Variants in CASP8 observed in about 807,000 individuals in gnomAD.
CASP8 encodes the protein caspase 8, also known as caspase-8.
A neutral mutation model predicts 46.3 loss-of-function variants in CASP8; 24 were observed. The ratio of observed to expected loss-of-function variants is 0.52; its 90% CI spans 0.38 to 0.73. The LOEUF (loss-of-function observed/expected upper bound fraction) is 0.73, where lower values mean the gene tolerates loss of function less well. Among genes scored for constraint, CASP8 ranks in the 30% least tolerant of loss-of-function variants. CASP8 has a pLI of 0.00. For missense variants in CASP8, 460 were observed against 559.0 expected (o/e 0.82, Z 1.79); for synonymous variants, 188 against 200.4 (o/e 0.94, Z 0.52).
chr2:201,243,856 C>T (rs1048335458), intron 2 of CASP8, among the ~76,000 whole-genome samples: 3 of 152,168 alleles, frequency 2.0e-5, no homozygotes, highest in African/African-American at 4.8e-5. Flanking sequence ...GGACCTGCCA[C>T]GCATGGATTA....
intron 2 of CASP8, among the ~76,000 whole-genome samples, chr2:201,253,237 C>G (rs1372755889): frequency 6.7e-6 from 1 of 148,422 alleles, no homozygotes; most frequent in Non-Finnish European, 1.5e-5. Flanking sequence ...GATCCTCCCA[C>G]TTCAGCCTCT....
At position 201,265,979 on chromosome 2, in the gene CASP8, G is replaced by T. The variant is rs112590883; in HGVS notation, c.-26-482G>T. On this transcript the variant is annotated intron_variant, in intron 1 of 8. Transcript: ENST00000673742. ...CATTGGCTTGTTTTTTTTGTTTTTT[G>T]TGTTTTTTTTTTTTTTGTGAGACGG... is the stretch of plus-strand genomic sequence containing the variant. Among the ~76,000 whole-genome samples, 23 of 91,908 alleles carry T rather than the reference G, an allele frequency of 2.5e-4. No individual in the cohort carries two copies. The South Asian group carries it at 2.6e-3, about 10-fold the overall frequency. The allele number at this position is 91,908 out of a possible 152,430, so 60.3% of individuals were successfully genotyped here.
chr2:201,239,386 C>T (rs946250675), intron 2 of CASP8, among the ~76,000 whole-genome samples: 23 of 152,192 alleles, frequency 1.5e-4, no homozygotes, highest in Admixed American at 9.8e-4. Context: ...GGCGGCTGGC[C>T]GGGCGGGGGG....
intron 2 of CASP8, among the ~76,000 whole-genome samples, chr2:201,246,124 A>C (rs944081528): frequency 6.6e-5 from 10 of 152,166 alleles, no homozygotes; most frequent in Admixed American, 2.0e-4. Flanking sequence ...TTGGCCTCCC[A>C]AAGTGCTGGG....
upstream of CASP8, among the ~76,000 whole-genome samples, chr2:201,257,736 C>G (rs1419894463): frequency 6.6e-6 from 1 of 152,192 alleles, no homozygotes; most frequent in Non-Finnish European, 1.5e-5. Context: ...ACAGGGCTGG[C>G]TTTACCCAGT....
At chr2:201,264,886 C>T (rs1576296826) in intron 1 of CASP8, among the ~76,000 whole-genome samples, 2 of 152,146 alleles carry the variant, frequency 1.3e-5, no homozygotes, top group East Asian at 3.9e-4. Flanking sequence ...CCTCACAGAG[C>T]TTCCATTCTA....
In CASP8 at chr2:201,252,902, A is replaced by G. The variant is rs1303113999; in HGVS notation, c.-26-13559A>G. On this transcript the variant is annotated intron_variant, in intron 2 of 6. Coordinates refer to the CASP8 transcript ENST00000264274. ...AAAATCCACTTATTATGGAGGGGGAAAAAAAAGGAATTTTCTTTACAGAAA... is the reference window on the plus strand; with the variant it reads ...AAAATCCACTTATTATGGAGGGGGAGAAAAAAGGAATTTTCTTTACAGAAA... Among the ~76,000 whole-genome samples, 3 of 152,010 alleles carry G rather than the reference A, an allele frequency of 2.0e-5. 1 individual carries two copies. Among genetic ancestry groups the G allele is most frequent in the Admixed American group, 6.5e-5 (1 of 15,272 alleles).
chr2:201,280,178 TG>T (rs1480385091), intron 7 of CASP8, among the ~76,000 whole-genome samples: 7 of 152,048 alleles, frequency 4.6e-5, no homozygotes, highest in Non-Finnish European at 8.8e-5. Flanking sequence ...ATTAAAAATT[TG>T]AGCACCAAAA....
chr2:201,269,709 C>A (rs1948110877), intron 2 of CASP8: 1 of 790,506 alleles, frequency 1.3e-6, no homozygotes. Flanking sequence ...TAGCCAGAAG[C>A]TAATAAATAT....
chr2:201,251,110 A>G (rs1576236491), intron 2 of CASP8, among the ~76,000 whole-genome samples: 1 of 152,234 alleles, frequency 6.6e-6, no homozygotes, highest in East Asian at 1.9e-4. Flanking sequence ...ATTGCTGAAT[A>G]ATAATCTATG....
chr2:201,280,978 C>A (rs1948961901), intron 7 of CASP8, among the ~76,000 whole-genome samples: 1 of 152,198 alleles, frequency 6.6e-6, no homozygotes, highest in South Asian at 2.1e-4. Flanking sequence ...AGAAAGGAAA[C>A]ATAATGAAAG....
intron 2 of CASP8, among the ~76,000 whole-genome samples, chr2:201,249,303 G>A (rs11899004): frequency 0.28 from 42,978 of 152,128 alleles, 9,119 homozygotes; most frequent in African/African-American, 0.59. Context: ...TTGATCTGTC[G>A]TTATTTACTA....
intron 1 of CASP8, among the ~76,000 whole-genome samples, chr2:201,264,699 G>GT (rs1442614457): frequency 2.0e-5 from 3 of 152,148 alleles, no homozygotes; most frequent in East Asian, 1.9e-4. Context: ...TGGTGTGGTA[G>GT]TTTGCTCCTG....
At chr2:201,251,043 A>G (rs777877478) in intron 2 of CASP8, among the ~76,000 whole-genome samples, 15 of 152,204 alleles carry the variant, frequency 9.9e-5, no homozygotes, top group Non-Finnish European at 1.8e-4. Context: ...TTCACATAGT[A>G]ACATTCAATT....
chr2:201,282,744 C>T (rs1197486263), intron 7 of CASP8, among the ~76,000 whole-genome samples: 1 of 79,912 alleles, frequency 1.3e-5, no homozygotes, highest in East Asian at 3.9e-4. Flanking sequence ...GCAGAGGGGT[C>T]CTCACTTCCC....
At chr2:201,239,470 A>G (rs1384799980) in intron 2 of CASP8, among the ~76,000 whole-genome samples, 1 of 151,996 alleles carries the variant, frequency 6.6e-6, no homozygotes, top group African/African-American at 2.4e-5. Flanking sequence ...CAACTATTGG[A>G]TATCTTCATC....
chr2:201,278,530 T>G (rs1175991134), intron 7 of CASP8, among the ~76,000 whole-genome samples: 1 of 152,046 alleles, frequency 6.6e-6, no homozygotes, highest in Non-Finnish European at 1.5e-5. Context: ...AATGCTAGAC[T>G]GTATTTTTTC....
exon 1 of CASP8, chr2:201,233,531 C>A (rs1444602937): frequency 1.3e-5 from 2 of 152,258 alleles, no homozygotes; most frequent in Non-Finnish European, 2.9e-5. Flanking sequence ...CCTGCCTGTA[C>A]CCCGCCAACA....
intron 2 of CASP8, among the ~76,000 whole-genome samples, chr2:201,247,153 C>T (rs1230062418): frequency 7.1e-6 from 1 of 140,296 alleles, no homozygotes; most frequent in Non-Finnish European, 1.5e-5. Flanking sequence ...CACACCACTG[C>T]ACTCCAGGCT....
Sources: allele counts gnomAD v4.1 joint callset (sites outside exome capture counted in the v4.1 genomes callset), GRCh38; gene constraint gnomAD v4.1.1; transcripts MANE v1.5; gene names NCBI Gene and HGNC (gene_info 2026-07-23, HGNC 2026-07-21).